Variants in PHF8 observed in about 807,000 individuals in gnomAD.
PHF8 encodes PHD finger protein 8.
In PHF8, 9 loss-of-function variants were observed where a neutral mutation model predicts 74.4. That is an observed-to-expected ratio of 0.12 (90% CI 0.07 to 0.21). The LOEUF (loss-of-function observed/expected upper bound fraction) is 0.21. Ranked by LOEUF, PHF8 falls within the 10% of genes least tolerant of loss-of-function variation. The pLI, the probability that PHF8 is intolerant of heterozygous loss-of-function variation, is 1.00. For missense variants in PHF8, 478 were observed against 816.6 expected, an observed-to-expected ratio of 0.59 and a Z score of 5.05; for synonymous variants, 311 against 316.6, an observed-to-expected ratio of 0.98 and a Z score of 0.19.
chrX:54,010,848 G>A lies in PHF8; in HGVS notation c.946+274C>T, dbSNP rs145238963. Among the ~76,000 whole-genome samples, 12 of 110,898 alleles carry A rather than the reference G, an allele frequency of 1.1e-4. No homozygotes were observed. The East Asian group carries it at 2.0e-3, about 18-fold the overall frequency. On this transcript the variant is annotated intron_variant, in intron 8 of 21. Transcript: ENST00000338154. Reference sequence around the variant, plus strand: ...TCCCAGGCACTATCCCTAGAGTTACGGGGCTTAGAGTCATGTTCTCTGTTC... The same window carrying A: ...TCCCAGGCACTATCCCTAGAGTTACAGGGCTTAGAGTCATGTTCTCTGTTC...
At chrX:54,011,877 A>G (rs113951595) in intron 7 of PHF8, among the ~76,000 whole-genome samples, 5 of 109,932 alleles carry the variant, frequency 4.5e-5, no homozygotes, top group South Asian at 3.7e-4. Context: ...AAAAAAAAAA[A>G]AAAAGAAAGA....
At chrX:53,990,423 G>C (rs1446435936) in intron 14 of PHF8, among the ~76,000 whole-genome samples, 1 of 111,100 alleles carries the variant, frequency 9.0e-6, no homozygotes, top group African/African-American at 3.3e-5. Context: ...AGCAGCACAA[G>C]AAGGACTGCT....
intron 6 of PHF8, 70 bp from the exon 7 acceptor site, chrX:54,014,633 C>T (rs1457914716): frequency 4.0e-5 from 30 of 758,479 alleles, no homozygotes; most frequent in Non-Finnish European, 5.4e-5. Context: ...GAATAAAATA[C>T]CCCACAGTTC....
chrX:54,000,038 CA>C, intron 10 of PHF8, 77 bp from the exon 11 acceptor site: 1 of 627,093 alleles, frequency 1.6e-6, no homozygotes, highest in Non-Finnish European at 2.7e-6. Context: ...TTTGTTAAGA[CA>C]ACCAGAGAAA....
chrX:53,946,290 CTG>C (rs1281855345), intron 19 of PHF8, among the ~76,000 whole-genome samples: 1 of 112,508 alleles, frequency 8.9e-6, no homozygotes, highest in Non-Finnish European at 1.9e-5. Context: ...ATGAACTTTA[CTG>C]TCACTAATAG....
At chrX:54,041,961 ACT>A (rs1377037843) in intron 2 of PHF8, among the ~76,000 whole-genome samples, 4 of 112,090 alleles carry the variant, frequency 3.6e-5, no homozygotes, top group Non-Finnish European at 5.6e-5. Context: ...AATAAGCAAC[ACT>A]GTTTTCCCAA....
At chrX:54,036,977 G>C (rs1307518864) in intron 2 of PHF8, among the ~76,000 whole-genome samples, 1 of 101,813 alleles carries the variant, frequency 9.8e-6, no homozygotes, top group Non-Finnish European at 2.0e-5. Context: ...TCCAGCCTGG[G>C]CAACAGGCTG....
At chrX:53,996,666 C>T (rs1158608959) in intron 11 of PHF8, among the ~76,000 whole-genome samples, 2 of 111,241 alleles carry the variant, frequency 1.8e-5, no homozygotes, top group Non-Finnish European at 3.8e-5. Context: ...CATGCCTCAG[C>T]CTCCCCAGTA....
chrX:53,940,210 C>G lies in PHF8; in HGVS notation c.2956G>C (p.Val986Leu), dbSNP rs2064729185. Reference protein sequence around the residue: ...GVFLTQRRPSVGSQSNQAGQG... With the variant: ...GVFLTQRRPSLGSQSNQAGQG... ...CCTGCCTGATTGCTCTGGGAGCCAA[C>G]TGAAGGGCGCCGCTGGGTCAAGAAG... Residue 986 changes from valine to leucine, a missense_variant, in exon 21 of 22, where the codon GTT (valine) becomes CTT (leucine). This residue lies in a region of PHF8 where 75 missense variants were observed against 93.3 expected (regional missense o/e 0.80). Coordinates refer to ENST00000338154, the MANE Select transcript of PHF8 (RefSeq NM_015107.3). 3.4e-6 allele frequency: 4 copies of G among 1,186,799 alleles called. No individual in the cohort carries two copies. The highest frequency in any genetic ancestry group is 4.5e-6 in the Non-Finnish European group (4 of 882,563).
chrX:53,976,687 T>TAA lies in PHF8; in HGVS notation c.2443+8225_2443+8226dup, dbSNP rs782651624. ...GTAGCCCTAAAAACACTTTTTAAGT[T>TAA]AAAAAAAAAAAAAAGACAAAGTGCC... On this transcript the variant is annotated intron_variant, in intron 18 of 21. Coordinates refer to ENST00000338154, the MANE Select transcript of PHF8 (RefSeq NM_015107.3). Among the ~76,000 whole-genome samples, 114 of 77,435 alleles carry TAA rather than the reference T, an allele frequency of 1.5e-3. No individual in the cohort carries two copies. In the Middle Eastern group the frequency reaches 0.029, roughly 20 times the overall value. The allele number at this position is 77,435 out of a possible 115,157, so 67.2% of individuals were successfully genotyped here.
At chrX:54,042,896 C>T in intron 1 of PHF8, 76 bp from the exon 2 acceptor site, 1 of 775,894 alleles carries the variant, frequency 1.3e-6, no homozygotes, top group Non-Finnish European at 1.8e-6. Context: ...CTCAGTTCTC[C>T]AATAGAGTTA....
At chrX:54,015,201 T>G (rs930233289) in intron 6 of PHF8, among the ~76,000 whole-genome samples, 5 of 111,347 alleles carry the variant, frequency 4.5e-5, no homozygotes, top group African/African-American at 1.6e-4. Flanking sequence ...TAAGCTACCT[T>G]GAATAGTCTT....
chrX:54,014,235 G>A lies in PHF8; in HGVS notation c.783+142C>T, dbSNP rs185570768. 3.9e-4 allele frequency: 191 copies of A among 492,771 alleles called. No homozygotes were observed. In the African/African-American group the frequency reaches 4.1e-3, roughly 11 times the overall value. The allele number at this position is 492,771 out of a possible 1,213,427, so 40.6% of individuals were successfully genotyped here. On this transcript the variant is annotated intron_variant, in intron 7 of 21. Coordinates refer to ENST00000338154, the MANE Select transcript of PHF8 (RefSeq NM_015107.3). ...CTCCCAAAGTGCTGGGATTACAGGC[G>A]TGAGCCACCGCGCCCGGCCAAATCA...
chrX:54,021,454 ATTTTTTTTTTTTT>A (rs1156928686), intron 4 of PHF8, among the ~76,000 whole-genome samples: 87 of 42,176 alleles, frequency 2.1e-3, no homozygotes, highest in African/African-American at 4.8e-3. Context: ...AGTTGCAATT[ATTTTTTTTTTTTT>A]TTTTTTTTTT....
Position 53,990,257 on chromosome X carries a change from A to G in PHF8, c.1731-2313T>C, listed in dbSNP as rs371030711. On this transcript the variant is annotated intron_variant, in intron 14 of 21. Transcript: ENST00000338154. ...CTCAGCTAAGTTTCAGCAATTATCAACCCAGCCAGTCTTGTTTCATCTACA... is the reference window on the plus strand; with the variant it reads ...CTCAGCTAAGTTTCAGCAATTATCAGCCCAGCCAGTCTTGTTTCATCTACA... Among the ~76,000 whole-genome samples, 168 of 111,460 alleles carry G rather than the reference A, an allele frequency of 1.5e-3. 1 individual carries two copies. In the East Asian group the frequency reaches 0.039, roughly 26 times the overall value.
chrX:53,960,118 C>T (rs1482865305), intron 19 of PHF8, among the ~76,000 whole-genome samples: 1 of 108,941 alleles, frequency 9.2e-6, no homozygotes, highest in East Asian at 3.0e-4. Flanking sequence ...CTCTGTCACC[C>T]AGGCTGGAGT....
chrX:54,018,137 A>C (rs2066103017), intron 4 of PHF8, among the ~76,000 whole-genome samples: 1 of 112,389 alleles, frequency 8.9e-6, no homozygotes. Context: ...CAAGAGCAGC[A>C]TTACCCAATT....
intron 18 of PHF8, among the ~76,000 whole-genome samples, chrX:53,976,647 C>A (rs1336429579): frequency 9.5e-6 from 1 of 104,760 alleles, no homozygotes; most frequent in Non-Finnish European, 1.9e-5. Context: ...AAAAAACAGC[C>A]AGTGGCATGC....
At chrX:53,998,428 T>C (rs1476286399) in intron 11 of PHF8, among the ~76,000 whole-genome samples, 2 of 110,899 alleles carry the variant, frequency 1.8e-5, no homozygotes, top group African/African-American at 6.6e-5. Context: ...CACTCCAGCC[T>C]GGGCGACAGA....
Sources: allele counts gnomAD v4.1 joint callset (sites outside exome capture counted in the v4.1 genomes callset), GRCh38; gene constraint gnomAD v4.1.1; regional missense constraint gnomAD v4.1.1; transcripts MANE v1.5; gene names NCBI Gene and HGNC (gene_info 2026-07-23, HGNC 2026-07-21).